Variants in DOCK8 observed in about 807,000 individuals in gnomAD.
The protein encoded by DOCK8 is dedicator of cytokinesis 8.
Under a neutral mutation model 245.6 loss-of-function variants are expected in DOCK8, and 141 were observed. The ratio of observed to expected loss-of-function variants is 0.57; its 90% CI spans 0.50 to 0.66. DOCK8 has a LOEUF of 0.66. Ranked by LOEUF, DOCK8 falls within the 30% of genes least tolerant of loss-of-function variation. DOCK8 has a pLI of 0.00. For missense variants in DOCK8, 2,965 were observed against 2,603.4 expected (o/e 1.14, Z -3.02); for synonymous variants, 1,168 against 970.2 (o/e 1.20, Z -3.79).
At chr9:461,040 T>G (rs2057786868) in intron 46 of DOCK8, among the ~76,000 whole-genome samples, 1 of 152,204 alleles carries the variant, frequency 6.6e-6, no homozygotes, top group African/African-American at 2.4e-5. Context: ...GGTAGAAGAG[T>G]ACAAAACAAA....
At chr9:280,970 G>GAAAAATATT (rs2048555826) in intron 2 of DOCK8, 1 of 152,216 alleles carries the variant, frequency 6.6e-6, no homozygotes, top group South Asian at 2.1e-4. Context: ...TTTTTCAAAA[G>GAAAAATATT]GGGTTGGGCA....
In DOCK8 at chr9:218,504, T is replaced by C. The variant is rs1305200425; in HGVS notation, c.53+3475T>C. Among the ~76,000 whole-genome samples, 5 of 152,328 alleles carry C rather than the reference T, an allele frequency of 3.3e-5. No homozygotes were observed. The South Asian group carries it at 1.0e-3, about 32-fold the overall frequency. Reference sequence around the variant, plus strand: ...GACTAGATCTAAGTTAGGCAGTTCGTAATAACATTTGCGTTTGGGATTTCA... The same window carrying C: ...GACTAGATCTAAGTTAGGCAGTTCGCAATAACATTTGCGTTTGGGATTTCA... On this transcript the variant is annotated intron_variant, in intron 1 of 47. Transcript: ENST00000432829.
chr9:411,874 A>G (rs2055747870), intron 28 of DOCK8, among the ~76,000 whole-genome samples: 1 of 152,228 alleles, frequency 6.6e-6, no homozygotes, highest in Non-Finnish European at 1.5e-5. Context: ...AGCATTTAAT[A>G]AAATCTAATA....
In DOCK8 at chr9:382,632, G is replaced by A. The variant is rs750025996; in HGVS notation, c.2725G>A (p.Ala909Thr). Residue 909 changes from alanine (A) to threonine (T), a missense_variant, in exon 22 of 48, where the codon GCG becomes ACG. By Grantham distance (58) the Ala-to-Thr change is moderately conservative (BLOSUM62 0). Transcript: ENST00000432829. The part of the protein sequence containing the change: ...RVMSSSNPDL[A>T]GTHSAADEEV... ...GATGAGCAGCAGTAACCCAGACCTC[G>A]CGGGGACACACTCCGCAGCAGACGA... 9.3e-6 allele frequency: 15 copies of A among 1,613,994 alleles called. No individual in the cohort carries two copies. Among genetic ancestry groups the A allele is most frequent in the African/African-American group, 4.0e-5 (3 of 74,898 alleles).
At chr9:252,210 T>C (rs1343265618) in intron 1 of DOCK8, among the ~76,000 whole-genome samples, 1 of 151,822 alleles carries the variant, frequency 6.6e-6, no homozygotes, top group Non-Finnish European at 1.5e-5. Context: ...CCTGACCTCA[T>C]GATTCACTGG....
rs1564012994 is a variant in DOCK8 at position 400,258 on chromosome 9, ACCACCT to A, written c.3234+1005_3234+1010del. Among the ~76,000 whole-genome samples the A allele has an allele frequency of 7.4e-4, 72 of 96,830 alleles. 5 individuals are homozygous for A. The highest frequency in any genetic ancestry group is 2.9e-3 in the African/African-American group (63 of 21,620). 63.5% of individuals were successfully genotyped at this position (96,830 alleles called of 152,430 possible). A position where few individuals can be genotyped will look rare whatever the true frequency, so the allele number is the denominator to read the frequency against. ...CATCACCACCACCTCCACCATCACC[ACCACCT>A]CCACCATCACCACCACTTCCTTCAC... On this transcript the variant is annotated intron_variant, in intron 26 of 47. Coordinates refer to ENST00000432829, the MANE Select transcript of DOCK8 (RefSeq NM_203447.4).
intron 7 of DOCK8, among the ~76,000 whole-genome samples, chr9:319,116 G>A (rs2050472066): frequency 6.6e-6 from 1 of 151,572 alleles, no homozygotes; most frequent in African/African-American, 2.4e-5. Flanking sequence ...GGGCAATATA[G>A]TGAGACCCCC....
chr9:418,415 C>T (rs1222121739), intron 30 of DOCK8, among the ~76,000 whole-genome samples: 1 of 152,168 alleles, frequency 6.6e-6, no homozygotes, highest in Non-Finnish European at 1.5e-5. Flanking sequence ...AGGCGTGCAC[C>T]ACCACACCTG....
At chr9:255,590 C>T (rs1460538238) in intron 1 of DOCK8, among the ~76,000 whole-genome samples, 4 of 149,308 alleles carry the variant, frequency 2.7e-5, no homozygotes, top group Non-Finnish European at 1.5e-5. Flanking sequence ...ATCACTTGAA[C>T]CCAGGAGGTG....
chr9:383,875 A>G (rs1232458063), intron 22 of DOCK8, among the ~76,000 whole-genome samples: 2 of 152,102 alleles, frequency 1.3e-5, no homozygotes, highest in African/African-American at 4.8e-5. Context: ...GAGTTACGGA[A>G]TTATATACTC....
intron 26 of DOCK8, among the ~76,000 whole-genome samples, chr9:403,946 GTATA>G (rs760208450): frequency 1.3e-5 from 1 of 76,278 alleles, no homozygotes; most frequent in East Asian, 3.9e-4. Flanking sequence ...ATATATATGT[GTATA>G]TATATATATG....
rs376511742 is a variant in DOCK8, at chr9:372,140, A to G, written c.2008-45A>G. On this transcript the variant is annotated intron_variant, in intron 17 of 47. Transcript: ENST00000432829. ...GAGCTAGATAAATTATCAGAATTAT[A>G]TGCTGTAATAAATACCACTTTATTA... 8.7e-5 allele frequency: 131 copies of G among 1,502,272 alleles called. 1 individual carries two copies. In the Middle Eastern group the frequency reaches 6.5e-3, roughly 74 times the overall value. The allele number at this position is 1,502,272 out of a possible 1,614,324, so 93.1% of individuals were successfully genotyped here. A position where few individuals can be genotyped will look rare whatever the true frequency, so the allele number is the denominator to read the frequency against.
intron 43 of DOCK8, among the ~76,000 whole-genome samples, chr9:445,511 TA>T (rs1360148830): frequency 6.6e-6 from 1 of 152,228 alleles, no homozygotes; most frequent in Non-Finnish European, 1.5e-5. Flanking sequence ...GCCTAGGCAG[TA>T]AAATTCAGTT....
rs910732819 is a variant in DOCK8 at position 240,499 on chromosome 9, T to G, written c.53+25470T>G. On this transcript the variant is annotated intron_variant, in intron 1 of 47. Transcript: ENST00000432829. Reference sequence around the variant, plus strand: ...GGTAAACTAGCCCTCTGTAGGCAATTAAATGTATATTTTCCTGAAGAAAGT... The same window carrying G: ...GGTAAACTAGCCCTCTGTAGGCAATGAAATGTATATTTTCCTGAAGAAAGT... Among the ~76,000 whole-genome samples the G allele has an allele frequency of 3.3e-5, 5 of 152,228 alleles. No homozygotes were observed. In the East Asian group the frequency reaches 9.6e-4, roughly 29 times the overall value.
chr9:330,351 G>A (rs16930416), intron 9 of DOCK8, among the ~76,000 whole-genome samples: 40,070 of 151,932 alleles, frequency 0.26, 5,668 homozygotes, highest in African/African-American at 0.36. Context: ...CTTATGTAAG[G>A]GCCACATAGT....
intron 1 of DOCK8, among the ~76,000 whole-genome samples, chr9:270,476 A>C (rs2048135560): frequency 6.6e-6 from 1 of 152,222 alleles, no homozygotes; most frequent in African/African-American, 2.4e-5. Flanking sequence ...CCTGAGGGAG[A>C]ATAGATGCCA....
At chr9:312,673 G>A (rs1008957965) in intron 6 of DOCK8, 4 of 340,846 alleles carry the variant, frequency 1.2e-5, no homozygotes, top group African/African-American at 8.6e-5. Context: ...ATAGAACTTT[G>A]GGATCTTGAT....
rs1586920079 is a variant in DOCK8 at position 400,971 on chromosome 9, C to CCACCATCACCACCTCCTT, written c.3234+1729_3234+1730insTCACCATCACCACCTCCT. Among the ~76,000 whole-genome samples, 12 of 141,640 alleles carry CCACCATCACCACCTCCTT rather than the reference C, an allele frequency of 8.5e-5. 2 individuals are homozygous for CCACCATCACCACCTCCTT. The highest frequency in any genetic ancestry group is 3.5e-4 in the Admixed American group (5 of 14,130). The allele number at this position is 141,640 out of a possible 152,430, so 92.9% of individuals were successfully genotyped here. ...ATCACCACCACCACCACCACCTCCT[C>CCACCATCACCACCTCCTT]CACCATCACCACCTCCTCCACCACC... is the stretch of plus-strand genomic sequence containing the variant. On this transcript the variant is annotated intron_variant, in intron 26 of 47. Coordinates refer to ENST00000432829, the MANE Select transcript of DOCK8 (RefSeq NM_203447.4).
At chr9:328,920 A>G (rs1054546391) in intron 9 of DOCK8, among the ~76,000 whole-genome samples, 3 of 147,886 alleles carry the variant, frequency 2.0e-5, no homozygotes, top group East Asian at 3.9e-4. Context: ...ACCTTAGGCC[A>G]GATAATTGGT....
Sources: allele counts gnomAD v4.1 joint callset (sites outside exome capture counted in the v4.1 genomes callset), GRCh38; gene constraint gnomAD v4.1.1; transcripts MANE v1.5; gene names NCBI Gene and HGNC (gene_info 2026-07-23, HGNC 2026-07-21).